Variants in ZNF439 observed in about 807,000 individuals in gnomAD.
ZNF439 encodes the protein zinc finger protein 439.
Under a neutral mutation model 47.3 loss-of-function variants are expected in ZNF439, and 40 were observed. That is an observed-to-expected ratio of 0.85 (90% confidence interval 0.66 to 1.10). ZNF439 has a LOEUF of 1.10. Ranked by LOEUF, ZNF439 falls within the 50% of genes least tolerant of loss-of-function variation. The pLI is 0.00. For missense variants in ZNF439, 556 were observed against 601.1 expected (o/e 0.93, Z 0.78); for synonymous variants, 171 against 198.8 (o/e 0.86, Z 1.18).
Position 11,865,738 on chromosome 19 carries a change from A to AAAAAAAC in ZNF439, c.64-465_64-464insAAAACAA, listed in dbSNP as rs1409459624. Among the ~76,000 whole-genome samples the AAAAAAAC allele has an allele frequency of 8.3e-5, 12 of 144,840 alleles. 1 individual carries two copies. Among genetic ancestry groups the AAAAAAAC allele is most frequent in the African/African-American group, 2.9e-4 (11 of 37,828 alleles). ...AAAAAAAAAAAAAAAAAAAAAAAAA[A>AAAAAAAC]AATTGCTGTCTGGGTGTGGTGGCTC... On this transcript the variant is annotated intron_variant, in intron 1 of 3. Transcript: ENST00000682736.
chr19:11,858,588 A>C (rs1346144177), intron 1 of ZNF439, among the ~76,000 whole-genome samples: 1 of 152,158 alleles, frequency 6.6e-6, no homozygotes, highest in African/African-American at 2.4e-5. Context: ...AATAGCTCTC[A>C]AATCATGCAG....
In ZNF439 at chr19:11,848,773, G is replaced by A; in HGVS notation, c.-95G>A. Reference sequence around the variant, plus strand: ...ATGTTGCATTCCTGCCGTCACCTTTGTCGCTGCGAGGGCGGCGGTTGGGAT... The same window carrying A: ...ATGTTGCATTCCTGCCGTCACCTTTATCGCTGCGAGGGCGGCGGTTGGGAT... On this transcript the variant is annotated 5_prime_UTR_variant, in exon 1 of 4. Coordinates refer to ENST00000682736, the MANE Select transcript of ZNF439 (RefSeq NM_001348719.2). 1 of 1,325,822 alleles carries A rather than the reference G, an allele frequency of 7.5e-7. No individual in the cohort carries two copies. Among genetic ancestry groups the A allele is most frequent in the Non-Finnish European group, 9.8e-7 (1 of 1,016,148 alleles). 82.1% of individuals were successfully genotyped at this position (1,325,822 alleles called of 1,614,324 possible). A position where few individuals can be genotyped will look rare whatever the true frequency, so the allele number is the denominator to read the frequency against.
chr19:11,859,127 G>A (rs987994144), intron 1 of ZNF439, among the ~76,000 whole-genome samples: 3 of 152,118 alleles, frequency 2.0e-5, no homozygotes, highest in Non-Finnish European at 4.4e-5. Context: ...CTAAAGTTAC[G>A]GTTTGCATCT....
intron 1 of ZNF439, among the ~76,000 whole-genome samples, chr19:11,860,981 C>T (rs1976524518): frequency 6.6e-6 from 1 of 152,184 alleles, no homozygotes; most frequent in African/African-American, 2.4e-5. Context: ...CTTTGGCTCC[C>T]AACCCTTAGG....
At chr19:11,859,678 A>G (rs1976488405) in intron 1 of ZNF439, among the ~76,000 whole-genome samples, 1 of 152,180 alleles carries the variant, frequency 6.6e-6, no homozygotes, top group Non-Finnish European at 1.5e-5. Flanking sequence ...CCTTATGGAA[A>G]TAGGAAAAAC....
At chr19:11,850,891 T>A (rs1976219706) in intron 1 of ZNF439, 1 of 152,066 alleles carries the variant, frequency 6.6e-6, no homozygotes, top group Non-Finnish European at 1.5e-5. Context: ...ATTAGCCGGA[T>A]GTGGTGGCCT....
chr19:11,865,873 C>T (rs1478031884), intron 1 of ZNF439: 1 of 361,244 alleles, frequency 2.8e-6, no homozygotes, highest in African/African-American at 2.2e-5. Flanking sequence ...ACTAAAAATA[C>T]AAAATTAGCC....
intron 3 of ZNF439, among the ~76,000 whole-genome samples, chr19:11,866,869 A>G (rs760217925): frequency 2.6e-5 from 4 of 152,182 alleles, no homozygotes; most frequent in African/African-American, 4.8e-5. Flanking sequence ...TATCAACAAC[A>G]GCAAAAAATT....
At chr19:11,862,475 G>A (rs1976564752) in intron 1 of ZNF439, among the ~76,000 whole-genome samples, 1 of 151,968 alleles carries the variant, frequency 6.6e-6, no homozygotes, top group African/African-American at 2.4e-5. Context: ...TATGAGTAAG[G>A]CTGCTAAAAA....
Position 11,867,435 on chromosome 19 carries a change from C to A in ZNF439, c.381C>A (p.Asp127Glu), listed in dbSNP as rs774737812. Reference protein sequence around the residue: ...KKASPEVKSCDSFVCEVGLGN... With the variant: ...KKASPEVKSCESFVCEVGLGN... The stretch of plus-strand genomic sequence containing the variant: ...CTTCTCCTGAAGTAAAATCATGTGA[C>A]AGCTTTGTGTGTGAAGTTGGCCTAG... Residue 127 changes from aspartate (D) to glutamate (E), a missense_variant, in exon 4 of 4, where the codon GAC (aspartate) becomes GAA (glutamate). Transcript: ENST00000682736. 8 of 1,613,942 alleles carry A rather than the reference C, an allele frequency of 5.0e-6. No homozygotes were observed. The highest frequency in any genetic ancestry group is 6.8e-6 in the Non-Finnish European group (8 of 1,179,970).
At chr19:11,861,068 G>C (rs936704042) in intron 1 of ZNF439, among the ~76,000 whole-genome samples, 1 of 152,132 alleles carries the variant, frequency 6.6e-6, no homozygotes, top group African/African-American at 2.4e-5. Context: ...CAGGGTGACT[G>C]GTTTGTCCCT....
chr19:11,866,482 AT>A, intron 2 of ZNF439, 54 bp from the exon 3 acceptor site: 1 of 1,605,444 alleles, frequency 6.2e-7, no homozygotes. Context: ...AGGTCTAATA[AT>A]TTTTTCACAA....
Position 11,867,415 on chromosome 19 carries a change from C to G in ZNF439, c.361C>G (p.Pro121Ala), listed in dbSNP as rs996204786. ...GAACTTCCAGAAGAAGAAAGCTTCT[C>G]CTGAAGTAAAATCATGTGACAGCTT... ...RLNFQKKKAS[P>A]EVKSCDSFVC... The change falls in exon 4 of 4, where the codon CCT becomes GCT. Residue 121 changes from proline (P) to alanine (A), a missense_variant. Transcript: ENST00000682736. 6.2e-7 allele frequency: 1 copy of G among 1,613,872 alleles called. No individual in the cohort carries two copies. Among genetic ancestry groups the G allele is most frequent in the Non-Finnish European group, 8.5e-7 (1 of 1,179,914 alleles).
rs1976806301 is a variant in ZNF439 at position 11,869,348 on chromosome 19, T to C, written c.*779T>C. ...TAAGCAGTATGGGAAAGCCTTCAGA[T>C]CGGCTAGGATTCTTTGAATACAAAT... On this transcript the variant is annotated 3_prime_UTR_variant, in exon 4 of 4. Transcript: ENST00000682736. The C allele has an allele frequency of 6.2e-6, 1 of 161,758 alleles. No individual in the cohort carries two copies. Among genetic ancestry groups the C allele is most frequent in the Admixed American group, 6.4e-5 (1 of 15,558 alleles). The allele number at this position is 161,758 out of a possible 1,614,324, so 10.0% of individuals were successfully genotyped here. A position where few individuals can be genotyped will look rare whatever the true frequency, so the allele number is the denominator to read the frequency against.
chr19:11,850,611 G>A (rs1976210128), intron 1 of ZNF439: 1 of 152,058 alleles, frequency 6.6e-6, no homozygotes, highest in African/African-American at 2.4e-5. Context: ...TCCAAAATTG[G>A]AAGTTATGTT....
At chr19:11,851,399 G>C (rs1310603494) in intron 1 of ZNF439, among the ~76,000 whole-genome samples, 1 of 152,182 alleles carries the variant, frequency 6.6e-6, no homozygotes, top group African/African-American at 2.4e-5. Flanking sequence ...TTGGGGTATT[G>C]GGACATCGGG....
At position 11,866,025 on chromosome 19, in the gene ZNF439, A is replaced by T. The variant is rs200291274; in HGVS notation, c.64-180A>T. On this transcript the variant is annotated intron_variant, in intron 1 of 3. Coordinates refer to ENST00000682736, the MANE Select transcript of ZNF439 (RefSeq NM_001348719.2). ...AGTGAAATTCTGTCTCAAAAAAATA[A>T]AAAAAAAAATTGCTTTATGGAAGAA... The T allele has an allele frequency of 3.8e-6, 5 of 1,316,128 alleles. No homozygotes were observed. The African/African-American group carries it at 1.3e-4, about 34-fold the overall frequency. 81.5% of individuals were successfully genotyped at this position (1,316,128 alleles called of 1,614,324 possible).
Position 11,868,695 on chromosome 19 carries a change from T to A in ZNF439, c.*126T>A. The A allele has an allele frequency of 9.3e-7, 1 of 1,077,592 alleles. No homozygotes were observed. The highest frequency in any genetic ancestry group is 1.4e-6 in the Non-Finnish European group (1 of 727,916). The allele number at this position is 1,077,592 out of a possible 1,614,324, so 66.8% of individuals were successfully genotyped here. A position where few individuals can be genotyped will look rare whatever the true frequency, so the allele number is the denominator to read the frequency against. ...AAAGCCTTAATTGTTCCAGTTCCTT[T>A]CGATATCTAAAAGGACTCACAGTGG... On this transcript the variant is annotated 3_prime_UTR_variant, in exon 4 of 4. Transcript: ENST00000682736.
At chr19:11,859,414 T>C (rs1432014524) in intron 1 of ZNF439, among the ~76,000 whole-genome samples, 1 of 152,222 alleles carries the variant, frequency 6.6e-6, no homozygotes, top group Non-Finnish European at 1.5e-5. Context: ...TGATTCTGTC[T>C]AGCCTGGTCT....
Sources: allele counts gnomAD v4.1 joint callset (sites outside exome capture counted in the v4.1 genomes callset), GRCh38; gene constraint gnomAD v4.1.1; transcripts MANE v1.5; gene names NCBI Gene and HGNC (gene_info 2026-07-23, HGNC 2026-07-21).